Variants in SGSM1 observed in about 807,000 individuals in gnomAD.
The protein encoded by SGSM1 is small G protein signaling modulator 1.
SGSM1 carries 73 observed loss-of-function variants against 133.8 expected under a neutral mutation model. The ratio of observed to expected loss-of-function variants is 0.55; its 90% CI spans 0.45 to 0.66. SGSM1 has a LOEUF of 0.66. Among genes scored for constraint, SGSM1 ranks in the 30% least tolerant of loss-of-function variants. SGSM1 has a pLI of 0.00. For synonymous variants in SGSM1, 563 were observed against 573.0 expected (o/e 0.98, Z 0.25); for missense variants, 1,213 against 1,448.1 (o/e 0.84, Z 2.64).
chr22:24,875,414 A>G (rs1931980018), intron 12 of SGSM1, among the ~76,000 whole-genome samples: 2 of 152,178 alleles, frequency 1.3e-5, no homozygotes, highest in South Asian at 2.1e-4. Flanking sequence ...CATTTTGTTT[A>G]TGGTTACTTT....
intron 2 of SGSM1, among the ~76,000 whole-genome samples, chr22:24,843,148 CA>C (rs1244586941): frequency 6.6e-6 from 1 of 152,158 alleles, no homozygotes. Context: ...AAAATGAAGC[CA>C]ACTTCTCATG....
intron 9 of SGSM1, among the ~76,000 whole-genome samples, chr22:24,865,565 T>G (rs1218406603): frequency 6.6e-6 from 1 of 152,118 alleles, no homozygotes; most frequent in Non-Finnish European, 1.5e-5. Context: ...GGCCAGAAAC[T>G]GAGGTAGGAA....
intron 2 of SGSM1, among the ~76,000 whole-genome samples, chr22:24,824,254 AG>A: frequency 6.6e-6 from 1 of 152,330 alleles, no homozygotes; most frequent in African/African-American, 2.4e-5. Flanking sequence ...TGCATGGGCA[AG>A]GACCAGGAGG....
At chr22:24,887,036 C>A (rs1045030544) in intron 16 of SGSM1, among the ~76,000 whole-genome samples, 1 of 151,800 alleles carries the variant, frequency 6.6e-6, no homozygotes, top group South Asian at 2.1e-4. Context: ...AGTAAAATAT[C>A]GGAACCAGAA....
intron 2 of SGSM1, among the ~76,000 whole-genome samples, chr22:24,834,713 C>G (rs1042288315): frequency 3.3e-5 from 5 of 151,998 alleles, no homozygotes; most frequent in African/African-American, 1.2e-4. Context: ...CCATCTTCTC[C>G]CTGATCTTCA....
At chr22:24,867,229 C>T in intron 10 of SGSM1, 69 bp downstream of exon 10, 1 of 1,476,044 alleles carries the variant, frequency 6.8e-7, no homozygotes, top group Non-Finnish European at 9.4e-7. Context: ...CCATCCCTGC[C>T]TATTCATTAG....
intron 2 of SGSM1, among the ~76,000 whole-genome samples, chr22:24,829,709 A>G (rs1404894405): frequency 6.6e-6 from 1 of 152,184 alleles, no homozygotes; most frequent in African/African-American, 2.4e-5. Flanking sequence ...TCTGTGCCTC[A>G]GTTTCCCCAT....
rs1245593404 is a variant in SGSM1 at position 24,899,526 on chromosome 22, T to C, written c.2610+967T>C. On this transcript the variant is annotated intron_variant, in intron 19 of 24. Coordinates refer to ENST00000400358, the MANE Select transcript of SGSM1 (RefSeq NM_001098497.3). ...TTTTTTGCTTTTCTTTTCTTTTTTT[T>C]TTTTTTTTTTAATTGAGACAGGGTC... Among the ~76,000 whole-genome samples, 1,231 of 150,950 alleles carry C rather than the reference T, an allele frequency of 8.2e-3. 21 individuals carry two copies. The highest frequency in any genetic ancestry group is 0.029 in the African/African-American group (1,178 of 41,286).
chr22:24,874,151 C>T (rs1931901635), intron 12 of SGSM1, among the ~76,000 whole-genome samples: 1 of 152,202 alleles, frequency 6.6e-6, no homozygotes, highest in African/African-American at 2.4e-5. Flanking sequence ...GAGGATGCAT[C>T]CCTCACAGGG....
chr22:24,855,137 T>C (rs976653416), intron 6 of SGSM1, 74 bp downstream of exon 6: 16 of 1,560,536 alleles, frequency 1.0e-5, no homozygotes, highest in African/African-American at 5.4e-5. Context: ...TCCAGGACTC[T>C]CTCACCCCTG....
chr22:24,846,901 C>T (rs1358009831), intron 3 of SGSM1, among the ~76,000 whole-genome samples: 3 of 151,002 alleles, frequency 2.0e-5, no homozygotes, highest in Admixed American at 6.6e-5. Flanking sequence ...AGTGCAGTGG[C>T]GCGATCTCAG....
chr22:24,861,721 TA>T (rs1269463786), intron 9 of SGSM1, among the ~76,000 whole-genome samples: 1 of 151,788 alleles, frequency 6.6e-6, no homozygotes, highest in African/African-American at 2.4e-5. Context: ...CTAATTTTTG[TA>T]TTTTCGTTAG....
chr22:24,856,568 A>G (rs1460944370), intron 8 of SGSM1, among the ~76,000 whole-genome samples: 3 of 152,038 alleles, frequency 2.0e-5, no homozygotes, highest in African/African-American at 7.2e-5. Context: ...TTGCATGGTC[A>G]TTGTGGTGTT....
intron 2 of SGSM1, among the ~76,000 whole-genome samples, chr22:24,833,349 A>C (rs1929229662): frequency 6.6e-6 from 1 of 151,944 alleles, no homozygotes; most frequent in Admixed American, 6.6e-5. Context: ...GCACATTCTG[A>C]GATAGTAGTG....
At chr22:24,883,449 C>T (rs1312000177) in intron 14 of SGSM1, among the ~76,000 whole-genome samples, 1 of 152,192 alleles carries the variant, frequency 6.6e-6, no homozygotes, top group African/African-American at 2.4e-5. Flanking sequence ...ACCTTCCTTT[C>T]TACCCCCTTC....
chr22:24,824,519 A>C (rs551736704), intron 2 of SGSM1, among the ~76,000 whole-genome samples: 33 of 151,836 alleles, frequency 2.2e-4, no homozygotes, highest in African/African-American at 7.7e-4. Context: ...AACCCCTCCC[A>C]ACTGTCACCT....
At position 24,914,472 on chromosome 22, in the gene SGSM1, T is replaced by TC. The variant is rs34620582; in HGVS notation, c.2928+1730dup. 5.0e-3 allele frequency among the ~76,000 whole-genome samples: 737 copies of TC among 146,590 alleles called. 3 individuals are homozygous for TC. The highest frequency in any genetic ancestry group is 0.015 in the African/African-American group (582 of 39,454). ...ACCTGGGTGACAGAGCGAGACTCTG[T>TC]CCCCCCCCCCAAAAAAAAATTAACC... is the stretch of plus-strand genomic sequence containing the variant. On this transcript the variant is annotated intron_variant, in intron 22 of 24. Transcript: ENST00000400358.
Position 24,919,418 on chromosome 22 carries a change from C to T in SGSM1, c.3026-408C>T, listed in dbSNP as rs369502872. Reference sequence around the variant, plus strand: ...GACTCAGAGGCCACAGCCGGCTCTGCCAGTGTGTGGGGGGAAAGAAGAAAG... The same window carrying T: ...GACTCAGAGGCCACAGCCGGCTCTGTCAGTGTGTGGGGGGAAAGAAGAAAG... On this transcript the variant is annotated intron_variant, in intron 23 of 24. Transcript: ENST00000400358. Among the ~76,000 whole-genome samples the T allele has an allele frequency of 3.3e-4, 50 of 152,162 alleles. No individual in the cohort carries two copies. In the East Asian group the frequency reaches 5.2e-3, roughly 16 times the overall value.
In SGSM1 at chr22:24,898,209, G is replaced by T. The variant is rs755953868; in HGVS notation, c.2260G>T (p.Gly754Cys). ...NTPTVLRPRD[G>C]SVDDRQSSEA... Reference sequence around the variant, plus strand: ...CCCCACGGTGCTGCGACCTAGGGATGGCAGCGTGGATGACAGGCAGAGCAG... The same window carrying T: ...CCCCACGGTGCTGCGACCTAGGGATTGCAGCGTGGATGACAGGCAGAGCAG... The change falls in exon 19 of 25, where the codon GGC (glycine) becomes TGC (cysteine). Residue 754 changes from glycine (G) to cysteine (C), a missense_variant. Transcript: ENST00000400358. The T allele has an allele frequency of 6.2e-7, 1 of 1,613,680 alleles. No homozygotes were observed. The highest frequency in any genetic ancestry group is 1.1e-5 in the South Asian group (1 of 91,076).
Sources: gnomAD v4.1 joint callset for allele counts (sites outside exome capture counted in the v4.1 genomes callset) on GRCh38, gnomAD v4.1.1 for gene constraint, MANE v1.5 for transcripts, NCBI Gene and HGNC (gene_info 2026-07-23, HGNC 2026-07-21) for gene names.